The following CMSS1 variants were observed in gnomAD, a reference collection of about 807,000 sequenced individuals.
CMSS1 encodes the protein cms1 ribosomal small subunit homolog.
A neutral mutation model predicts 43.5 loss-of-function variants in CMSS1; 33 were observed. The observed-to-expected ratio is 0.76, with a 90% CI of 0.57 to 1.01. CMSS1 has a LOEUF of 1.01. Among genes scored for constraint, CMSS1 ranks in the 50% least tolerant of loss-of-function variants. The pLI is 0.00. For missense variants in CMSS1, 313 were observed against 326.4 expected (o/e 0.96, Z 0.32); for synonymous variants, 115 against 117.2 (o/e 0.98, Z 0.12).
intron 1 of CMSS1, among the ~76,000 whole-genome samples, chr3:100,012,177 A>G (rs192151604): frequency 3.2e-4 from 48 of 152,296 alleles, no homozygotes; most frequent in African/African-American, 1.2e-3. Context: ...TATAATGTCT[A>G]TATCTGTCTT....
chr3:99,857,084 A>G (rs144858740), intron 1 of CMSS1, among the ~76,000 whole-genome samples: 1 of 152,346 alleles, frequency 6.6e-6, no homozygotes, highest in African/African-American at 2.4e-5. Flanking sequence ...TGTAGAGGGA[A>G]CCACATGAAT....
chr3:99,863,317 T>C (rs548876005), intron 1 of CMSS1, among the ~76,000 whole-genome samples: 1 of 152,204 alleles, frequency 6.6e-6, no homozygotes, highest in Non-Finnish European at 1.5e-5. Flanking sequence ...CTCATCCCGC[T>C]GCTCACCTCC....
intron 1 of CMSS1, among the ~76,000 whole-genome samples, chr3:100,006,465 T>C (rs1419224385): frequency 6.6e-6 from 1 of 152,120 alleles, no homozygotes; most frequent in Non-Finnish European, 1.5e-5. Flanking sequence ...TTTCAGTGCT[T>C]TTCATGAGGT....
intron 1 of CMSS1, chr3:100,023,234 G>A (rs923342808): frequency 2.6e-5 from 4 of 152,374 alleles, no homozygotes; most frequent in Non-Finnish European, 5.9e-5. Context: ...AATTCTCCCA[G>A]TTTAGCCACC....
At chr3:99,857,733 T>C (rs1559662455) in intron 1 of CMSS1, among the ~76,000 whole-genome samples, 1 of 152,250 alleles carries the variant, frequency 6.6e-6, no homozygotes, top group East Asian at 1.9e-4. Flanking sequence ...GTATTGTTTC[T>C]ATTAGTTTCA....
intron 1 of CMSS1, among the ~76,000 whole-genome samples, chr3:99,996,153 C>G (rs1388939107): frequency 6.6e-6 from 1 of 152,152 alleles, no homozygotes; most frequent in African/African-American, 2.4e-5. Context: ...CCCAGGTCAC[C>G]TCTTGAATGC....
At chr3:99,915,906 G>A (rs559241852) in intron 1 of CMSS1, among the ~76,000 whole-genome samples, 1 of 152,184 alleles carries the variant, frequency 6.6e-6, no homozygotes, top group African/African-American at 2.4e-5. Context: ...CCAGTATAGG[G>A]TCTACATAAA....
intron 1 of CMSS1, among the ~76,000 whole-genome samples, chr3:100,032,637 G>T (rs752689527): frequency 7.9e-5 from 12 of 152,034 alleles, no homozygotes; most frequent in Admixed American, 2.6e-4. Context: ...CTATATTGAC[G>T]AACTTTAAAA....
intron 1 of CMSS1, among the ~76,000 whole-genome samples, chr3:99,820,920 A>T (rs543167678): frequency 1.3e-5 from 2 of 152,342 alleles, no homozygotes; most frequent in Non-Finnish European, 2.9e-5. Context: ...CCTGTTGTGG[A>T]TTATGCTACC....
At chr3:99,924,421 A>G in intron 1 of CMSS1, 1 of 1,612,272 alleles carries the variant, frequency 6.2e-7, no homozygotes, top group Non-Finnish European at 8.5e-7. Context: ...ACGAAAGAAA[A>G]CATTTATAGC....
intron 1 of CMSS1, among the ~76,000 whole-genome samples, chr3:100,038,629 C>T (rs1009448453): frequency 1.3e-5 from 2 of 152,108 alleles, no homozygotes; most frequent in Admixed American, 6.5e-5. Flanking sequence ...ACTATGCTTC[C>T]ATAACAAAAA....
chr3:99,927,258 A>T (rs1369711783), intron 1 of CMSS1, among the ~76,000 whole-genome samples: 1 of 152,254 alleles, frequency 6.6e-6, no homozygotes, highest in Non-Finnish European at 1.5e-5. Flanking sequence ...AAGCTTAATT[A>T]TACCATTGCT....
At chr3:100,118,898 C>T (rs1236659288) in intron 1 of CMSS1, among the ~76,000 whole-genome samples, 1 of 152,172 alleles carries the variant, frequency 6.6e-6, no homozygotes, top group Non-Finnish European at 1.5e-5. Flanking sequence ...TAGTCCCACC[C>T]ACTGACAGGT....
intron 2 of CMSS1, among the ~76,000 whole-genome samples, chr3:100,159,531 G>A (rs1488750380): frequency 6.6e-6 from 1 of 152,128 alleles, no homozygotes; most frequent in Non-Finnish European, 1.5e-5. Flanking sequence ...GTATTCTCTG[G>A]TTGGAATGGA....
intron 1 of CMSS1, among the ~76,000 whole-genome samples, chr3:100,116,834 C>A (rs1559762963): frequency 6.6e-6 from 1 of 152,140 alleles, no homozygotes; most frequent in Non-Finnish European, 1.5e-5. Context: ...TGGGTAAGGG[C>A]CCCTTTGGCC....
chr3:100,047,473 A>G (rs2065295776), intron 1 of CMSS1, among the ~76,000 whole-genome samples: 1 of 152,230 alleles, frequency 6.6e-6, no homozygotes, highest in Admixed American at 6.5e-5. Context: ...TGTCCTCCTT[A>G]AAGAATACCA....
chr3:100,041,816 C>T (rs1559736700), intron 1 of CMSS1, among the ~76,000 whole-genome samples: 1 of 152,066 alleles, frequency 6.6e-6, no homozygotes, highest in African/African-American at 2.4e-5. Flanking sequence ...CATGTTGTGC[C>T]TTGATTTATC....
At chr3:99,914,657 T>C (rs1003108642) in intron 1 of CMSS1, among the ~76,000 whole-genome samples, 2 of 152,242 alleles carry the variant, frequency 1.3e-5, no homozygotes, top group East Asian at 3.8e-4. Context: ...GCAGTTTAGC[T>C]ATAGGTTTTA....
At chr3:100,014,891 C>CTTTTTTTTTTTTTTTTTTTTT (rs1710284139) in intron 1 of CMSS1, among the ~76,000 whole-genome samples, 8 of 27,226 alleles carry the variant, frequency 2.9e-4, no homozygotes, top group Admixed American at 4.7e-4. Flanking sequence ...TTTTTTCTTT[C>CTTTTTTTTTTTTTTTTTTTTT]TTTCTTTTTT....
Sources: allele counts gnomAD v4.1 joint callset (sites outside exome capture counted in the v4.1 genomes callset), GRCh38; gene constraint gnomAD v4.1.1; transcripts MANE v1.5; gene names NCBI Gene and HGNC (gene_info 2026-07-23, HGNC 2026-07-21).